HAT1: variants seen among roughly 807,000 people sequenced by gnomAD.
HAT1 encodes the protein histone acetyltransferase 1, also known as histone acetyltransferase type B catalytic subunit.
In HAT1, 20 loss-of-function variants were observed where a neutral mutation model predicts 56.6. The ratio of observed to expected loss-of-function variants is 0.35; its 90% CI spans 0.25 to 0.51. The LOEUF (loss-of-function observed/expected upper bound fraction) is 0.51, where lower values mean the gene tolerates loss of function less well. Ranked by LOEUF, HAT1 falls within the 20% of genes least tolerant of loss-of-function variation. The pLI is 0.95. For missense variants in HAT1, 408 were observed against 504.3 expected, an observed-to-expected ratio of 0.81 and a Z score of 1.83; for synonymous variants, 146 against 165.5, an observed-to-expected ratio of 0.88 and a Z score of 0.91.
chr2:171,945,488 GCTAT>G (rs779546606), intron 2 of HAT1, among the ~76,000 whole-genome samples: 235 of 143,228 alleles, frequency 1.6e-3, no homozygotes, highest in Non-Finnish European at 1.9e-3. Flanking sequence ...TAGCTAGCTA[GCTAT>G]CTATAATTTT....
Position 171,979,252 on chromosome 2 carries a change from C to A in HAT1, c.981C>A (p.His327Gln). Residue 327 changes from histidine (H) to glutamine (Q), a missense_variant, in exon 10 of 11, where the codon CAC becomes CAA. Physicochemically the swap from His to Gln is conservative, Grantham distance 24. Transcript: ENST00000264108. ...AQQKFKINKQ[H>Q]ARRVYEILRL... ...TTTCTTTTGTTTCATTCTAGCAACA[C>A]GCTAGAAGGGTTTATGAAATTCTTC... 6.7e-7 allele frequency: 1 copy of A among 1,497,174 alleles called. No homozygotes were observed. Among genetic ancestry groups the A allele is most frequent in the Non-Finnish European group, 9.2e-7 (1 of 1,090,624 alleles). The allele number at this position is 1,497,174 out of a possible 1,614,324, so 92.7% of individuals were successfully genotyped here.
chr2:171,925,863 C>T (rs896998131), intron 2 of HAT1, among the ~76,000 whole-genome samples: 17 of 151,872 alleles, frequency 1.1e-4, no homozygotes, highest in African/African-American at 4.1e-4. Flanking sequence ...AAAGGAAAGA[C>T]GGTGGGGCAA....
At chr2:171,972,489 T>TATGTTGC (rs1687842304) in intron 8 of HAT1, among the ~76,000 whole-genome samples, 1 of 152,178 alleles carries the variant, frequency 6.6e-6, no homozygotes, top group Non-Finnish European at 1.5e-5. Flanking sequence ...GGTCTTGAAC[T>TATGTTGC]CCAGGGCTCC....
intron 2 of HAT1, among the ~76,000 whole-genome samples, chr2:171,940,351 G>A (rs1201866764): frequency 6.6e-6 from 1 of 152,158 alleles, no homozygotes; most frequent in African/African-American, 2.4e-5. Context: ...GCACCATGGT[G>A]ACTCAACCCT....
chr2:171,967,935 C>A (rs1687723001), intron 8 of HAT1, among the ~76,000 whole-genome samples: 1 of 118,936 alleles, frequency 8.4e-6, no homozygotes, highest in African/African-American at 3.2e-5. Context: ...GACTGGCAAC[C>A]ACATAAATAG....
chr2:171,983,311 G>A lies in HAT1; in HGVS notation c.1219G>A (p.Glu407Lys), dbSNP rs779428153. ...QLEESFQELV[E>K]DYRRVIERLA... ...GGAAGAGAGTTTTCAGGAACTAGTG[G>A]AAGATTACCGGCGTGTTATTGAACG... is the stretch of plus-strand genomic sequence containing the variant. Residue 407 changes from glutamate to lysine, a missense_variant, in exon 11 of 11, where the codon GAA (glutamate) becomes AAA (lysine). Physicochemically the swap from Glu to Lys is moderately conservative, Grantham distance 56. Transcript: ENST00000264108. The A allele has an allele frequency of 4.3e-6, 7 of 1,609,326 alleles. No homozygotes were observed. In the South Asian group the frequency reaches 7.7e-5, roughly 18 times the overall value.
intron 3 of HAT1, among the ~76,000 whole-genome samples, chr2:171,950,099 C>CT (rs910735728): frequency 9.9e-5 from 15 of 152,078 alleles, no homozygotes; most frequent in South Asian, 6.2e-4. Context: ...CCCTTCATGT[C>CT]TTTTTTCCCC....
rs61462189 is a variant in HAT1 at position 171,970,496 on chromosome 2, C to CTTTTTTT, written c.823+3582_823+3588dup. 4.7e-4 allele frequency among the ~76,000 whole-genome samples: 35 copies of CTTTTTTT among 74,988 alleles called. 6 individuals carry two copies. Among genetic ancestry groups the CTTTTTTT allele is most frequent in the African/African-American group, 1.5e-3 (22 of 14,796 alleles). 49.2% of individuals were successfully genotyped at this position (74,988 alleles called of 152,430 possible). On this transcript the variant is annotated intron_variant, in intron 8 of 10. Coordinates refer to ENST00000264108, the MANE Select transcript of HAT1 (RefSeq NM_003642.4). Reference sequence around the variant, plus strand: ...TAAATCAGTATTAGCAATGCAGTTTCTTTTTTTTTTTTTTTTTTTTTTTTT... The same window carrying CTTTTTTT: ...TAAATCAGTATTAGCAATGCAGTTTCTTTTTTTTTTTTTTTTTTTTTTTTTTTTTTTT...
At chr2:171,966,124 G>A in intron 6 of HAT1, 1 of 591,904 alleles carries the variant, frequency 1.7e-6, no homozygotes, top group Non-Finnish European at 3.0e-6. Context: ...CTGAATGTAG[G>A]CTTAAACAGT....
rs1481416544 is a variant in HAT1 at position 171,950,799 on chromosome 2, C to T, written c.189-2082C>T. On this transcript the variant is annotated intron_variant, in intron 3 of 10. Transcript: ENST00000264108. ...CATTACAGGCGTTAGCCACTGTGCC[C>T]AGCCTTAATGTGTGTTTTGTTTTGA... Among the ~76,000 whole-genome samples, 3 of 149,588 alleles carry T rather than the reference C, an allele frequency of 2.0e-5. No homozygotes were observed. In the East Asian group the frequency reaches 6.0e-4, roughly 30 times the overall value.
chr2:171,977,798 C>G (rs1026444248), intron 9 of HAT1, among the ~76,000 whole-genome samples: 5 of 151,416 alleles, frequency 3.3e-5, no homozygotes, highest in African/African-American at 7.3e-5. Flanking sequence ...ATTCTGTTCT[C>G]TTTACCTGAA....
intron 8 of HAT1, among the ~76,000 whole-genome samples, chr2:171,974,533 C>T (rs1218936606): frequency 1.3e-5 from 2 of 152,138 alleles, no homozygotes; most frequent in East Asian, 1.9e-4. Context: ...GACATTTTTA[C>T]CTCTTCCTTT....
chr2:171,931,055 C>T (rs540651540), intron 2 of HAT1, among the ~76,000 whole-genome samples: 12 of 152,186 alleles, frequency 7.9e-5, no homozygotes, highest in South Asian at 4.2e-4. Context: ...CACGATCCCC[C>T]GTGAATACCA....
rs1023351439 is a variant in HAT1, at chr2:171,976,747, C to T, written c.975+439C>T. Reference sequence around the variant, plus strand: ...AGTGGTAAATGTCTTAAGATAGGTACAGAAAAAATAAATATGGAAGTTCAG... The same window carrying T: ...AGTGGTAAATGTCTTAAGATAGGTATAGAAAAAATAAATATGGAAGTTCAG... On this transcript the variant is annotated intron_variant, in intron 9 of 10. Transcript: ENST00000264108. 2.0e-5 allele frequency among the ~76,000 whole-genome samples: 3 copies of T among 151,928 alleles called. No individual in the cohort carries two copies. The South Asian group carries it at 6.2e-4, about 32-fold the overall frequency.
intron 2 of HAT1, among the ~76,000 whole-genome samples, chr2:171,931,265 T>C (rs1686738354): frequency 6.6e-6 from 1 of 151,934 alleles, no homozygotes; most frequent in African/African-American, 2.4e-5. Flanking sequence ...ATGGTGTGCA[T>C]CTGTAGTTGC....
intron 10 of HAT1, among the ~76,000 whole-genome samples, chr2:171,981,151 C>T (rs1055096043): frequency 2.6e-5 from 4 of 151,558 alleles, no homozygotes; most frequent in Non-Finnish European, 4.4e-5. Context: ...GCCTGGGTGA[C>T]GAGCAAAATT....
chr2:171,925,359 C>T lies in HAT1; in HGVS notation c.8-178C>T, dbSNP rs191633347. ...TGCTGGGATTACAGGCGTGAGCCAC[C>T]GTGCCCAGCTGGCATTCTTAATACA... On this transcript the variant is annotated intron_variant, in intron 1 of 10. Coordinates refer to ENST00000264108, the MANE Select transcript of HAT1 (RefSeq NM_003642.4). Among the ~76,000 whole-genome samples the T allele has an allele frequency of 2.4e-3, 359 of 152,278 alleles. 1 individual carries two copies. The highest frequency in any genetic ancestry group is 7.7e-4 in the East Asian group (4 of 5,186).
At chr2:171,937,857 T>TA (rs946194643) in intron 2 of HAT1, among the ~76,000 whole-genome samples, 11 of 151,928 alleles carry the variant, frequency 7.2e-5, no homozygotes, top group South Asian at 4.2e-4. Flanking sequence ...CCTTGTCTCT[T>TA]AAAAAAAATC....
chr2:171,950,259 C>T (rs1363590825), intron 3 of HAT1, among the ~76,000 whole-genome samples: 1 of 151,882 alleles, frequency 6.6e-6, no homozygotes, highest in Non-Finnish European at 1.5e-5. Flanking sequence ...GCATCCTCTG[C>T]CGCCTCCCAG....
Sources: gnomAD v4.1 joint callset for allele counts (sites outside exome capture counted in the v4.1 genomes callset) on GRCh38, gnomAD v4.1.1 for gene constraint, MANE v1.5 for transcripts, NCBI Gene and HGNC (gene_info 2026-07-23, HGNC 2026-07-21) for gene names.